Variants in TFPI observed in about 807,000 individuals in gnomAD.
The protein encoded by TFPI is tissue factor pathway inhibitor.
In TFPI, 15 loss-of-function variants were observed where a neutral mutation model predicts 34.6. That is an observed-to-expected ratio of 0.43 (90% CI 0.29 to 0.67). TFPI has a LOEUF of 0.67. Ranked by LOEUF, TFPI falls within the 30% of genes least tolerant of loss-of-function variation. TFPI has a pLI of 0.15. For missense variants in TFPI, 301 were observed against 364.0 expected (o/e 0.83, Z 1.41); for synonymous variants, 105 against 120.1 (o/e 0.87, Z 0.82).
intron 1 of TFPI, among the ~76,000 whole-genome samples, chr2:187,549,853 A>G (rs1411868396): frequency 6.6e-6 from 1 of 151,972 alleles, no homozygotes; most frequent in African/African-American, 2.4e-5. Flanking sequence ...ATTAACAGGG[A>G]TTGGATTTTT....
chr2:187,551,259 G>C (rs1255055382), intron 1 of TFPI, among the ~76,000 whole-genome samples: 1 of 152,128 alleles, frequency 6.6e-6, no homozygotes, highest in African/African-American at 2.4e-5. Context: ...TTGTACTGCA[G>C]CATTGGAACT....
intron 1 of TFPI, among the ~76,000 whole-genome samples, chr2:187,538,918 A>T (rs1041739904): frequency 1.3e-5 from 2 of 152,308 alleles, no homozygotes; most frequent in African/African-American, 4.8e-5. Flanking sequence ...TTTGAAAGTT[A>T]CTTATTTATG....
intron 1 of TFPI, among the ~76,000 whole-genome samples, chr2:187,522,299 T>C (rs982816981): frequency 2.6e-5 from 4 of 152,096 alleles, no homozygotes; most frequent in African/African-American, 9.7e-5. Flanking sequence ...ATGTCAAGAT[T>C]TTCCCCTATG....
chr2:187,536,232 A>G (rs962912511), intron 1 of TFPI, among the ~76,000 whole-genome samples: 5 of 152,344 alleles, frequency 3.3e-5, no homozygotes, highest in African/African-American at 1.2e-4. Flanking sequence ...AACTCATTTT[A>G]TGAGGCCAGC....
intron 2 of TFPI, 44 bp downstream of exon 2, chr2:187,503,604 G>A (rs1316857306): frequency 2.5e-6 from 4 of 1,577,882 alleles, no homozygotes; most frequent in Admixed American, 1.9e-5. Flanking sequence ...TTAAAATTGA[G>A]AGCTTTAACT....
At chr2:187,544,787 T>C (rs1688768348) in intron 1 of TFPI, 1 of 152,246 alleles carries the variant, frequency 6.6e-6, no homozygotes, top group African/African-American at 2.4e-5. Context: ...TTCTACATTT[T>C]AGATTGTGAA....
chr2:187,552,279 C>T (rs961578749), intron 1 of TFPI, among the ~76,000 whole-genome samples: 1 of 151,994 alleles, frequency 6.6e-6, no homozygotes, highest in Non-Finnish European at 1.5e-5. Context: ...GATGGATAGG[C>T]ACTCTGGCAT....
At chr2:187,491,422 C>T (rs1400397815) in intron 3 of TFPI, among the ~76,000 whole-genome samples, 1 of 151,942 alleles carries the variant, frequency 6.6e-6, no homozygotes, top group African/African-American at 2.4e-5. Context: ...TTACCCCCCA[C>T]TTATAAATTA....
intron 1 of TFPI, chr2:187,526,943 C>A (rs1687710853): frequency 6.6e-6 from 1 of 152,090 alleles, no homozygotes; most frequent in African/African-American, 2.4e-5. Flanking sequence ...ATGTTGTTGT[C>A]CTCTTGTTGT....
At position 187,554,257 on chromosome 2, in the gene TFPI, A is replaced by G. The variant is rs1271579440; in HGVS notation, c.-60T>C. 2 of 151,996 alleles carry G rather than the reference A, an allele frequency of 1.3e-5. No individual in the cohort carries two copies. The highest frequency in any genetic ancestry group is 2.9e-5 in the Non-Finnish European group (2 of 67,992). The allele number at this position is 151,996 out of a possible 1,614,324, so 9.4% of individuals were successfully genotyped here. ...TTTTTTTCAAAACGGAGTTGAGGTTATTTTGTTTTTCCTTCCAGGTATTGA... is the reference window on the plus strand; with the variant it reads ...TTTTTTTCAAAACGGAGTTGAGGTTGTTTTGTTTTTCCTTCCAGGTATTGA... On this transcript the variant is annotated 5_prime_UTR_variant, in exon 1 of 8. Coordinates refer to ENST00000233156, the MANE Select transcript of TFPI (RefSeq NM_006287.6).
intron 1 of TFPI, chr2:187,544,376 TATA>T (rs1182995224): frequency 4.6e-5 from 7 of 152,164 alleles, no homozygotes; most frequent in Non-Finnish European, 8.8e-5. Flanking sequence ...TTTTAAAGTG[TATA>T]ATATTTACAC....
intron 3 of TFPI, among the ~76,000 whole-genome samples, chr2:187,493,452 C>G (rs8176471): frequency 0.014 from 2,077 of 152,246 alleles, 49 homozygotes; most frequent in African/African-American, 0.046. Flanking sequence ...CTCACATGCC[C>G]TAGAGATATT....
intron 1 of TFPI, among the ~76,000 whole-genome samples, chr2:187,507,725 G>A (rs1223269718): frequency 6.6e-6 from 1 of 151,980 alleles, no homozygotes; most frequent in Non-Finnish European, 1.5e-5. Context: ...CTGTCAGATG[G>A]ATATATTGCA....
rs1320191237 is a variant in TFPI at position 187,518,456 on chromosome 2, A to G, written c.-2-14686T>C. 6.6e-5 allele frequency: 10 copies of G among 152,188 alleles called. 1 individual carries two copies. The East Asian group carries it at 1.9e-3, about 29-fold the overall frequency. 9.4% of individuals were successfully genotyped at this position (152,188 alleles called of 1,614,324 possible). A position where few individuals can be genotyped will look rare whatever the true frequency, so the allele number is the denominator to read the frequency against. ...TGAAAATTCTTTTCTTTAAGAATGT[A>G]GAATATTGGCCCCACTCTCTTCTGG... is the stretch of plus-strand genomic sequence containing the variant. On this transcript the variant is annotated intron_variant, in intron 1 of 7. Transcript: ENST00000233156.
At chr2:187,511,849 G>T (rs1014334888) in intron 1 of TFPI, among the ~76,000 whole-genome samples, 2 of 151,944 alleles carry the variant, frequency 1.3e-5, no homozygotes, top group African/African-American at 4.8e-5. Context: ...AAGAGACAGA[G>T]AGGGAAAGAG....
chr2:187,544,722 G>T (rs1227662162), intron 1 of TFPI: 1 of 151,814 alleles, frequency 6.6e-6, no homozygotes, highest in East Asian at 1.9e-4. Flanking sequence ...CTTTTCTGGA[G>T]AACTACTTGA....
At chr2:187,542,757 C>G (rs1043795250) in intron 1 of TFPI, among the ~76,000 whole-genome samples, 16 of 151,484 alleles carry the variant, frequency 1.1e-4, no homozygotes, top group African/African-American at 3.9e-4. Flanking sequence ...AACCCAGGTA[C>G]TCAGGAGGCT....
chr2:187,525,941 G>A lies in TFPI; in HGVS notation c.-2-22171C>T, dbSNP rs559792744. On this transcript the variant is annotated intron_variant, in intron 1 of 7. Coordinates refer to ENST00000233156, the MANE Select transcript of TFPI (RefSeq NM_006287.6). ...CGTAACTTACTAATTATATGAATTT[G>A]ATACTATATTTACTTCCTATTTGTC... Among the ~76,000 whole-genome samples, 78 of 152,132 alleles carry A rather than the reference G, an allele frequency of 5.1e-4. No homozygotes were observed. In the South Asian group the frequency reaches 0.015, roughly 30 times the overall value.
At chr2:187,503,625 G>C (rs148336347) in intron 2 of TFPI, 23 bp downstream of exon 2, 1 of 1,607,198 alleles carries the variant, frequency 6.2e-7, no homozygotes, top group African/African-American at 1.3e-5. Context: ...AGCTTAAAAA[G>C]ATAATTGCTT....
Sources: allele counts gnomAD v4.1 joint callset (sites outside exome capture counted in the v4.1 genomes callset), GRCh38; gene constraint gnomAD v4.1.1; transcripts MANE v1.5; gene names NCBI Gene and HGNC (gene_info 2026-07-23, HGNC 2026-07-21).